Variants in ST3GAL1 observed in about 807,000 individuals in gnomAD.
The protein encoded by ST3GAL1 is CMP-N-acetylneuraminate-beta-galactosamide-alpha-2,3-sialyltransferase 1.
A neutral mutation model predicts 34.1 loss-of-function variants in ST3GAL1; 16 were observed. The observed-to-expected ratio is 0.47, with a 90% CI of 0.32 to 0.71. The LOEUF is 0.71. Among genes scored for constraint, ST3GAL1 ranks in the 30% least tolerant of loss-of-function variants. The pLI is 0.04. For missense variants in ST3GAL1, 353 were observed against 447.4 expected, an observed-to-expected ratio of 0.79 and a Z score of 1.90; for synonymous variants, 191 against 184.7, an observed-to-expected ratio of 1.03 and a Z score of -0.28.
In ST3GAL1 at chr8:133,466,072, T is replaced by G; in HGVS notation, c.325A>C (p.Lys109Gln). 6.2e-7 allele frequency: 1 copy of G among 1,613,104 alleles called. No homozygotes were observed. ...ATGGTGTCATTCAAGTTATTGGGCT[T>G]CTTCTCCCGCTGGAGCCTCTGTGGG... ...RWWLRLQREKKPNNLNDTIKE... is the reference protein window; with the variant it reads ...RWWLRLQREKQPNNLNDTIKE... The change falls in exon 6 of 10, where the codon AAG becomes CAG. Residue 109 changes from lysine (K) to glutamine (Q), a missense_variant. Transcript: ENST00000522652. This position sits in a 1 kb window ranked among gnomAD's most constrained non-coding sequence, Gnocchi z 4.4.
intron 2 of ST3GAL1, among the ~76,000 whole-genome samples, chr8:133,518,153 C>A (rs1817697904): frequency 6.6e-6 from 1 of 152,232 alleles, no homozygotes; most frequent in African/African-American, 2.4e-5. Context: ...CTGATATTCA[C>A]ATGCCAACAG....
At chr8:133,541,120 T>TATATAGAGAGAGAGAGAGAG (rs71299078) in intron 2 of ST3GAL1, among the ~76,000 whole-genome samples, 1 of 48,624 alleles carries the variant, frequency 2.1e-5, no homozygotes, top group African/African-American at 9.9e-5. Flanking sequence ...TATATATATA[T>TATATAGAGAGAGAGAGAGAG]AGAGAGAGAG....
chr8:133,557,739 T>C (rs531958347), intron 1 of ST3GAL1, among the ~76,000 whole-genome samples: 44 of 152,072 alleles, frequency 2.9e-4, no homozygotes, highest in Non-Finnish European at 4.7e-4. Flanking sequence ...TCCCAGCTAC[T>C]TAGGAGGCTG....
chr8:133,521,490 G>A (rs1817807315), intron 2 of ST3GAL1, among the ~76,000 whole-genome samples: 1 of 152,160 alleles, frequency 6.6e-6, no homozygotes, highest in Non-Finnish European at 1.5e-5. Context: ...TTAGAGACGG[G>A]GTTTCATTAT....
At position 133,535,525 on chromosome 8, in the gene ST3GAL1, A is replaced by ATTTTTTTT. The variant is rs112708766; in HGVS notation, c.-429+10241_-429+10248dup. Among the ~76,000 whole-genome samples, 2,521 of 144,944 alleles carry ATTTTTTTT rather than the reference A, an allele frequency of 0.017. 125 individuals carry two copies. In the East Asian group the frequency reaches 0.2, roughly 11 times the overall value. ...TTTTTTAGCAAGAAAGTATTTTTTA[A>ATTTTTTTT]TTTTTTTTTTTAGAAACAAGGTCTC... On this transcript the variant is annotated intron_variant, in intron 2 of 9. Coordinates refer to ENST00000522652, the MANE Select transcript of ST3GAL1 (RefSeq NM_173344.3).
intron 3 of ST3GAL1, among the ~76,000 whole-genome samples, chr8:133,482,372 C>T (rs768085233): frequency 9.9e-5 from 15 of 152,194 alleles, no homozygotes; most frequent in East Asian, 1.9e-4. Context: ...GTATGTGTCA[C>T]GGGCGTGGCA....
intron 2 of ST3GAL1, among the ~76,000 whole-genome samples, chr8:133,509,265 G>T (rs1048945188): frequency 2.6e-4 from 39 of 152,334 alleles, no homozygotes; most frequent in African/African-American, 8.7e-4. Flanking sequence ...CATGCAGTGA[G>T]CGGCTACTGA....
chr8:133,484,209 C>A (rs1816496504), intron 3 of ST3GAL1, among the ~76,000 whole-genome samples: 1 of 152,218 alleles, frequency 6.6e-6, no homozygotes, highest in Non-Finnish European at 1.5e-5. Context: ...GACCTCCTAG[C>A]TGAGAGGTCT....
At chr8:133,519,649 G>A (rs1175118185) in intron 2 of ST3GAL1, among the ~76,000 whole-genome samples, 1 of 152,102 alleles carries the variant, frequency 6.6e-6, no homozygotes, top group Non-Finnish European at 1.5e-5. Flanking sequence ...CACACATTAA[G>A]AACTCAGTAA....
At chr8:133,494,074 G>C (rs1251793517) in intron 3 of ST3GAL1, among the ~76,000 whole-genome samples, 1 of 152,108 alleles carries the variant, frequency 6.6e-6, no homozygotes, top group Non-Finnish European at 1.5e-5. Flanking sequence ...GTGAAGAAAA[G>C]GGATAATCAA....
intron 2 of ST3GAL1, among the ~76,000 whole-genome samples, chr8:133,520,773 G>GTTTT (rs34241731): frequency 7.6e-6 from 1 of 130,878 alleles, no homozygotes; most frequent in Non-Finnish European, 1.6e-5. Context: ...TTTTTTGTGG[G>GTTTT]TTTTTTTTTT....
chr8:133,522,374 T>C (rs917957177), intron 2 of ST3GAL1, among the ~76,000 whole-genome samples: 4 of 152,326 alleles, frequency 2.6e-5, no homozygotes, highest in Middle Eastern at 3.4e-3. Flanking sequence ...GAAGGTTCCC[T>C]GCTTTAATTC....
chr8:133,460,913 G>A (rs867306844), intron 9 of ST3GAL1, among the ~76,000 whole-genome samples: 6 of 152,140 alleles, frequency 3.9e-5, no homozygotes, highest in Non-Finnish European at 8.8e-5. Flanking sequence ...AAGAGGGGAC[G>A]GGGACAGCAC....
At chr8:133,567,082 C>A (rs1819425289) in intron 1 of ST3GAL1, 1 of 152,226 alleles carries the variant, frequency 6.6e-6, no homozygotes, top group Non-Finnish European at 1.5e-5. Flanking sequence ...AGGAAGATAT[C>A]TTTGCTCTCT....
rs1465183475 is a variant in ST3GAL1 at position 133,548,443 on chromosome 8, A to AT, written c.-581-2518dup. Among the ~76,000 whole-genome samples, 29 of 152,304 alleles carry AT rather than the reference A, an allele frequency of 1.9e-4. 1 individual carries two copies. The highest frequency in any genetic ancestry group is 1.7e-3 in the Admixed American group (26 of 15,296). ...CCTCGATATTTTCAGTGTTCCCTGC[A>AT]TTCCTACAAAGCATTACCGCCAACA... On this transcript the variant is annotated intron_variant, in intron 1 of 9. Coordinates refer to ENST00000522652, the MANE Select transcript of ST3GAL1 (RefSeq NM_173344.3).
At chr8:133,565,163 G>GTGTA (rs1466528552) in intron 1 of ST3GAL1, among the ~76,000 whole-genome samples, 284 of 146,830 alleles carry the variant, frequency 1.9e-3, no homozygotes, top group African/African-American at 7.0e-3. Flanking sequence ...GTGTGTGTGT[G>GTGTA]TGTGTGTGTG....
chr8:133,486,459 C>G (rs1043114378), intron 3 of ST3GAL1, among the ~76,000 whole-genome samples: 3 of 152,198 alleles, frequency 2.0e-5, no homozygotes, highest in Non-Finnish European at 2.9e-5. Flanking sequence ...ATGGCCGAGC[C>G]AGGCCTGGAC....
intron 2 of ST3GAL1, among the ~76,000 whole-genome samples, chr8:133,526,676 G>T (rs1446933308): frequency 6.6e-6 from 1 of 152,172 alleles, no homozygotes; most frequent in African/African-American, 2.4e-5. Flanking sequence ...CTGCCACAGT[G>T]CCTGGGGTAG....
chr8:133,496,833 T>A (rs1243069967), intron 3 of ST3GAL1, among the ~76,000 whole-genome samples: 3 of 152,250 alleles, frequency 2.0e-5, no homozygotes, highest in Non-Finnish European at 4.4e-5. Flanking sequence ...GGGATGGGGC[T>A]GTTTTTCCCA....
Sources: gnomAD v4.1 joint callset for allele counts (sites outside exome capture counted in the v4.1 genomes callset) on GRCh38, gnomAD v4.1.1 for gene constraint, Gnocchi (gnomAD v3.1) non-coding constraint, MANE v1.5 for transcripts, NCBI Gene and HGNC (gene_info 2026-07-23, HGNC 2026-07-21) for gene names.